Variants in PALM2AKAP2 observed in about 807,000 individuals in gnomAD.
The protein encoded by PALM2AKAP2 is PALM2 and AKAP2 fusion.
In PALM2AKAP2, 37 loss-of-function variants were observed where a neutral mutation model predicts 71.5. The ratio of observed to expected loss-of-function variants is 0.52; its 90% confidence interval spans 0.40 to 0.68. The LOEUF is 0.68. Ranked by LOEUF, PALM2AKAP2 falls within the 30% of genes least tolerant of loss-of-function variation. PALM2AKAP2 has a pLI of 0.00. For missense variants in PALM2AKAP2, 1,224 were observed against 1,191.8 expected (o/e 1.03, Z -0.40); for synonymous variants, 468 against 478.8 (o/e 0.98, Z 0.29).
At chr9:109,826,325 T>G (rs1042498257) in intron 1 of PALM2AKAP2, among the ~76,000 whole-genome samples, 1 of 152,052 alleles carries the variant, frequency 6.6e-6, no homozygotes, top group Non-Finnish European at 1.5e-5. Context: ...GTAACAAACC[T>G]GCACGTTGTG....
At chr9:109,971,174 C>G (rs1165853009) in intron 6 of PALM2AKAP2, among the ~76,000 whole-genome samples, 2 of 151,724 alleles carry the variant, frequency 1.3e-5, no homozygotes, top group Non-Finnish European at 2.9e-5. Flanking sequence ...TCCCAAATGC[C>G]TAGAACCATG....
intron 1 of PALM2AKAP2, among the ~76,000 whole-genome samples, chr9:110,071,736 G>A (rs1434093907): frequency 6.6e-6 from 1 of 152,036 alleles, no homozygotes; most frequent in Non-Finnish European, 1.5e-5. Context: ...GGTAAATTTC[G>A]GCTAAAATTA....
intron 1 of PALM2AKAP2, among the ~76,000 whole-genome samples, chr9:109,678,672 A>G (rs1827683609): frequency 6.6e-6 from 1 of 152,188 alleles, no homozygotes; most frequent in African/African-American, 2.4e-5. Flanking sequence ...CAAGGTACAG[A>G]CAGAGGAAAT....
At chr9:109,755,226 C>T (rs559972541) in intron 1 of PALM2AKAP2, among the ~76,000 whole-genome samples, 3 of 152,214 alleles carry the variant, frequency 2.0e-5, no homozygotes, top group African/African-American at 7.2e-5. Context: ...CACACTCCTC[C>T]AACAGCTTCT....
At chr9:109,723,095 G>A (rs1828428642) in intron 1 of PALM2AKAP2, among the ~76,000 whole-genome samples, 1 of 152,156 alleles carries the variant, frequency 6.6e-6, no homozygotes, top group Non-Finnish European at 1.5e-5. Flanking sequence ...TATTCCCTGG[G>A]CATGTAAAAT....
At chr9:109,734,862 G>A (rs16914448) in intron 1 of PALM2AKAP2, among the ~76,000 whole-genome samples, 1,640 of 152,108 alleles carry the variant, frequency 0.011, 25 homozygotes, top group African/African-American at 0.036. Context: ...AAATAATCAC[G>A]AGGACCTTCC....
intron 1 of PALM2AKAP2, among the ~76,000 whole-genome samples, chr9:109,762,812 G>A (rs1000043650): frequency 1.2e-4 from 19 of 152,222 alleles, no homozygotes; most frequent in African/African-American, 4.3e-4. Flanking sequence ...GGCAGACATG[G>A]CTTTCCTACC....
At chr9:110,095,680 A>G (rs1313011199) in intron 1 of PALM2AKAP2, among the ~76,000 whole-genome samples, 1 of 152,178 alleles carries the variant, frequency 6.6e-6, no homozygotes, top group Non-Finnish European at 1.5e-5. Context: ...AAGCAGGAAA[A>G]TATATTGCAT....
At chr9:110,016,998 G>C (rs1175231678) in intron 7 of PALM2AKAP2, among the ~76,000 whole-genome samples, 1 of 152,094 alleles carries the variant, frequency 6.6e-6, no homozygotes, top group Non-Finnish European at 1.5e-5. Context: ...TCCTGCCTCA[G>C]CCTCCTGAGT....
At chr9:110,123,305 T>A (rs1286201563) in intron 1 of PALM2AKAP2, among the ~76,000 whole-genome samples, 3 of 152,082 alleles carry the variant, frequency 2.0e-5, no homozygotes, top group Admixed American at 1.3e-4. Context: ...CTCAGCAGAG[T>A]TGGTTCCTTT....
At chr9:109,761,543 G>A (rs1480771470) in intron 1 of PALM2AKAP2, among the ~76,000 whole-genome samples, 3 of 152,044 alleles carry the variant, frequency 2.0e-5, no homozygotes, top group Non-Finnish European at 4.4e-5. Context: ...ACCCCCAACA[G>A]GCCCTGGTGT....
chr9:110,004,652 C>G (rs1466897827), intron 6 of PALM2AKAP2, among the ~76,000 whole-genome samples: 3 of 152,208 alleles, frequency 2.0e-5, no homozygotes, highest in Non-Finnish European at 4.4e-5. Context: ...TTCTCCCTGT[C>G]ACTTTCAGGT....
intron 1 of PALM2AKAP2, among the ~76,000 whole-genome samples, chr9:109,643,569 C>T (rs1827105014): frequency 6.6e-6 from 1 of 152,210 alleles, no homozygotes; most frequent in Non-Finnish European, 1.5e-5. Flanking sequence ...TAAGCTCACA[C>T]CTGGAACTCC....
intron 3 of PALM2AKAP2, among the ~76,000 whole-genome samples, chr9:110,164,882 T>C (rs1836695954): frequency 1.3e-5 from 2 of 152,090 alleles, no homozygotes; most frequent in African/African-American, 4.8e-5. Context: ...TCCATTTCCA[T>C]GGGGAGTGTT....
chr9:109,873,866 G>T (rs1363028020), intron 2 of PALM2AKAP2, among the ~76,000 whole-genome samples: 1 of 152,108 alleles, frequency 6.6e-6, no homozygotes. Context: ...TCTAGGCTGG[G>T]CACAGTGGTT....
chr9:109,814,201 T>TA (rs1827795875), intron 1 of PALM2AKAP2, among the ~76,000 whole-genome samples: 1 of 152,214 alleles, frequency 6.6e-6, no homozygotes, highest in Non-Finnish European at 1.5e-5. Flanking sequence ...AGAAGGCACA[T>TA]AGTGCACACT....
intron 6 of PALM2AKAP2, among the ~76,000 whole-genome samples, chr9:109,995,683 G>A (rs955755397): frequency 7.9e-5 from 12 of 152,166 alleles, no homozygotes; most frequent in Admixed American, 1.3e-4. Context: ...AGGAAGACCC[G>A]TCTTCATGAC....
At chr9:110,142,188 C>T (rs974126822) in intron 2 of PALM2AKAP2, among the ~76,000 whole-genome samples, 21 of 151,466 alleles carry the variant, frequency 1.4e-4, no homozygotes, top group Admixed American at 1.3e-3. Context: ...TCTCCTGCCT[C>T]AGCCTCCTGA....
chr9:109,652,490 A>G (rs185287134), intron 1 of PALM2AKAP2, among the ~76,000 whole-genome samples: 1 of 152,342 alleles, frequency 6.6e-6, no homozygotes, highest in Admixed American at 6.5e-5. Context: ...CTTCTTGAAC[A>G]GTCTGCAGAA....
Sources: gnomAD v4.1 joint callset for allele counts (sites outside exome capture counted in the v4.1 genomes callset) on GRCh38, gnomAD v4.1.1 for gene constraint, MANE v1.5 for transcripts, NCBI Gene and HGNC (gene_info 2026-07-23, HGNC 2026-07-21) for gene names.